The following PROS1 variants were observed in gnomAD, a reference collection of about 807,000 sequenced individuals.
PROS1 encodes the protein protein S, also known as vitamin K-dependent protein S.
A neutral mutation model predicts 75.9 loss-of-function variants in PROS1; 29 were observed. The ratio of observed to expected loss-of-function variants is 0.38; its 90% confidence interval spans 0.28 to 0.52. PROS1 has a LOEUF of 0.52. Among genes scored for constraint, PROS1 ranks in the 20% least tolerant of loss-of-function variants. The pLI is 0.83. For synonymous variants in PROS1, 245 were observed against 280.6 expected (o/e 0.87, Z 1.27); for missense variants, 680 against 810.3 (o/e 0.84, Z 1.95).
intron 1 of PROS1, among the ~76,000 whole-genome samples, chr3:93,947,774 A>T (rs1190670683): frequency 2.0e-5 from 3 of 151,934 alleles, no homozygotes; most frequent in African/African-American, 7.3e-5. Flanking sequence ...TCACCGTGTT[A>T]GCCAGGATTG....
intron 1 of PROS1, among the ~76,000 whole-genome samples, chr3:93,968,652 A>G (rs1709824379): frequency 6.6e-6 from 1 of 152,160 alleles, no homozygotes; most frequent in Non-Finnish European, 1.5e-5. Context: ...TGCATTCACT[A>G]GGGGATCTAA....
intron 1 of PROS1, among the ~76,000 whole-genome samples, chr3:93,941,735 G>T (rs1420599551): frequency 1.3e-5 from 2 of 152,172 alleles, no homozygotes; most frequent in African/African-American, 4.8e-5. Context: ...CAAACAACTT[G>T]ACCTTACTGT....
At chr3:93,914,841 G>C (rs996769834) in intron 3 of PROS1, among the ~76,000 whole-genome samples, 17 of 152,050 alleles carry the variant, frequency 1.1e-4, no homozygotes, top group African/African-American at 4.1e-4. Flanking sequence ...CCAGTTCTCC[G>C]AAGTCCCCAA....
At chr3:93,927,685 C>T (rs1237142110) in intron 1 of PROS1, among the ~76,000 whole-genome samples, 1 of 151,264 alleles carries the variant, frequency 6.6e-6, no homozygotes, top group Non-Finnish European at 1.5e-5. Flanking sequence ...TTCAATACTT[C>T]CTTTATTATG....
chr3:93,876,626 A>T (rs571812963), intron 14 of PROS1, among the ~76,000 whole-genome samples: 1 of 147,958 alleles, frequency 6.8e-6, no homozygotes, highest in Non-Finnish European at 1.5e-5. Flanking sequence ...TGGATAAATG[A>T]TAAGATGAAC....
intron 1 of PROS1, among the ~76,000 whole-genome samples, chr3:93,955,607 A>G (rs1032699733): frequency 2.0e-5 from 3 of 152,132 alleles, no homozygotes; most frequent in African/African-American, 7.2e-5. Flanking sequence ...GGATAGCATT[A>G]GGAGATATGC....
At chr3:93,912,563 G>C (rs1395366189) in intron 3 of PROS1, among the ~76,000 whole-genome samples, 4 of 152,084 alleles carry the variant, frequency 2.6e-5, no homozygotes, top group African/African-American at 7.2e-5. Context: ...GGGTGTTTCT[G>C]GAGCCCCTAT....
At chr3:93,932,032 A>T (rs1201923187) in intron 1 of PROS1, among the ~76,000 whole-genome samples, 1 of 152,216 alleles carries the variant, frequency 6.6e-6, no homozygotes, top group Non-Finnish European at 1.5e-5. Flanking sequence ...CATGAACCCA[A>T]ATTAAAACTA....
chr3:93,890,588 ACTCTTT>A (rs1275223898), intron 10 of PROS1, among the ~76,000 whole-genome samples: 1 of 151,720 alleles, frequency 6.6e-6, no homozygotes, highest in Non-Finnish European at 1.5e-5. Flanking sequence ...CTCTCTTTGT[ACTCTTT>A]CTCTTTATTT....
At chr3:93,965,385 G>C (rs1420543803) in intron 1 of PROS1, among the ~76,000 whole-genome samples, 1 of 152,212 alleles carries the variant, frequency 6.6e-6, no homozygotes, top group African/African-American at 2.4e-5. Flanking sequence ...TGCCGCTCCT[G>C]ATCTGGCTAA....
At position 93,893,112 on chromosome 3, in the gene PROS1, C is replaced by G. The variant is rs755702160; in HGVS notation, c.976G>C (p.Glu326Gln). ...RLPEISRFSA[E>Q]FDFRTYDSEG... ...GAATCATATGTCCGGAAATCAAATT[C>G]TGCTGAAAATCTAAACAATGGACAA... Residue 326 changes from glutamate to glutamine, a missense_variant, in exon 10 of 15, where the codon GAA becomes CAA. Transcript: ENST00000394236. The G allele has an allele frequency of 6.2e-7, 1 of 1,612,532 alleles. No individual in the cohort carries two copies. Among genetic ancestry groups the G allele is most frequent in the East Asian group, 2.2e-5 (1 of 44,840 alleles).
chr3:93,932,564 C>T (rs1365666751), intron 1 of PROS1, among the ~76,000 whole-genome samples: 1 of 152,156 alleles, frequency 6.6e-6, no homozygotes, highest in Non-Finnish European at 1.5e-5. Context: ...TTATCTGAGT[C>T]ACTCCTTCAA....
intron 12 of PROS1, among the ~76,000 whole-genome samples, chr3:93,881,556 C>CT (rs71105164): frequency 0.52 from 61,440 of 118,246 alleles, 17,594 homozygotes; most frequent in South Asian, 0.68. Flanking sequence ...GTAGTAAGCA[C>CT]TTTTTTTTTT....
Position 93,927,231 on chromosome 3 carries a change from A to T in PROS1, c.234+19T>A. The T allele has an allele frequency of 2.5e-6, 4 of 1,612,080 alleles. No individual in the cohort carries two copies. Among genetic ancestry groups the T allele is most frequent in the Non-Finnish European group, 3.4e-6 (4 of 1,179,906 alleles). On this transcript the variant is annotated intron_variant, in intron 2 of 14. Transcript: ENST00000394236. ...GTATGTCTAGATGTGTGAACTTGAT[A>T]GTTTCCATAAATGCTTACCGTTTCC...
intron 1 of PROS1, among the ~76,000 whole-genome samples, chr3:93,943,256 T>G (rs1709318746): frequency 6.6e-6 from 1 of 152,092 alleles, no homozygotes; most frequent in South Asian, 2.1e-4. Flanking sequence ...AAAGGAGGAC[T>G]CTGTCAAGGA....
rs1385439927 is a variant in PROS1 at position 93,943,560 on chromosome 3, C to T, written c.77-16153G>A. Among the ~76,000 whole-genome samples, 4 of 152,126 alleles carry T rather than the reference C, an allele frequency of 2.6e-5. No homozygotes were observed. The East Asian group carries it at 7.7e-4, about 29-fold the overall frequency. The stretch of plus-strand genomic sequence containing the variant: ...GGCTCCCACATTGCCCCTAATCCCA[C>T]TCGAAGCTGCCCTGAGAAACATTGA... On this transcript the variant is annotated intron_variant, in intron 1 of 14. Transcript: ENST00000394236.
chr3:93,911,495 T>A (rs1434975202), intron 3 of PROS1, among the ~76,000 whole-genome samples: 1 of 152,178 alleles, frequency 6.6e-6, no homozygotes, highest in Admixed American at 6.5e-5. Context: ...CCAAAATTAG[T>A]AGCTTAAGTA....
At chr3:93,967,606 C>A (rs1441915205) in intron 1 of PROS1, among the ~76,000 whole-genome samples, 1 of 152,100 alleles carries the variant, frequency 6.6e-6, no homozygotes, top group African/African-American at 2.4e-5. Flanking sequence ...ATAGTGCTAT[C>A]TAGGCATAGT....
intron 1 of PROS1, among the ~76,000 whole-genome samples, chr3:93,950,915 A>G (rs1709485033): frequency 6.6e-6 from 1 of 152,236 alleles, no homozygotes; most frequent in Non-Finnish European, 1.5e-5. Context: ...GTGCGAATCC[A>G]TTGCAAAGAA....
Sources: allele counts gnomAD v4.1 joint callset (sites outside exome capture counted in the v4.1 genomes callset), GRCh38; gene constraint gnomAD v4.1.1; transcripts MANE v1.5; gene names NCBI Gene and HGNC (gene_info 2026-07-23, HGNC 2026-07-21).